The following SERPINF2 variants were observed in gnomAD, a reference collection of about 807,000 sequenced individuals.
SERPINF2 encodes the protein serpin family F member 2.
Under a neutral mutation model 45.0 loss-of-function variants are expected in SERPINF2, and 15 were observed. The observed-to-expected ratio is 0.33, with a 90% CI of 0.22 to 0.51. The LOEUF is 0.51. Among genes scored for constraint, SERPINF2 ranks in the 20% least tolerant of loss-of-function variants. SERPINF2 has a pLI of 0.97. For synonymous variants in SERPINF2, 283 were observed against 277.9 expected (o/e 1.02, Z -0.18); for missense variants, 518 against 637.4 (o/e 0.81, Z 2.02).
At chr17:1,744,821 G>C in intron 1 of SERPINF2, 171 bp from the exon 2 acceptor site, 3 of 985,464 alleles carry the variant, frequency 3.0e-6, no homozygotes, top group Non-Finnish European at 3.6e-6. Context: ...CCCAGCTGCA[G>C]GAGTGGGAGC....
Position 1,745,753 on chromosome 17 carries a change from A to G in SERPINF2, c.211A>G (p.Ser71Gly). ...CCTGAAGAGTCCCCCAGGAGTCTGC[A>G]GCAGAGACCCCACCCCAGAGCAGAC... ...TALKSPPGVCSRDPTPEQTHR... is the reference protein window; with the variant it reads ...TALKSPPGVCGRDPTPEQTHR... Residue 71 changes from serine (S) to glycine (G), a missense_variant, in exon 5 of 10, where the codon AGC becomes GGC. Around this residue, in one of 2 missense-constraint regions of SERPINF2, gnomAD observed 435 missense variants for 577.3 expected, o/e 0.75. Transcript: ENST00000453066. This position sits in a 1 kb window ranked among gnomAD's most constrained non-coding sequence, Gnocchi z 6.2. The G allele has an allele frequency of 6.2e-7, 1 of 1,613,978 alleles. No homozygotes were observed. The highest frequency in any genetic ancestry group is 8.5e-7 in the Non-Finnish European group (1 of 1,180,010).
Position 1,752,630 on chromosome 17 carries a change from T to C in SERPINF2, c.903T>C (p.Leu301=). ...PFKNNMSFVV[L]VPTHFEWNVS... is the part of the protein sequence containing the mutation. ...AGAACAACATGAGCTTTGTGGTCCT[T>C]GTACCCACCCACTTTGAATGGAACG... The change falls in exon 9 of 10, where the codon CTT becomes CTC. Residue 301 remains leucine, a synonymous_variant. Transcript: ENST00000453066. 1 of 1,614,188 alleles carries C rather than the reference T, an allele frequency of 6.2e-7. No individual in the cohort carries two copies. Among genetic ancestry groups the C allele is most frequent in the Non-Finnish European group, 8.5e-7 (1 of 1,180,030 alleles).
chr17:1,752,396 G>T (rs1906477411), intron 8 of SERPINF2, among the ~76,000 whole-genome samples, 190 bp from the exon 9 acceptor site: 1 of 152,120 alleles, frequency 6.6e-6, no homozygotes. Context: ...TCGGTTACGT[G>T]TCCGCCTGCA....
In SERPINF2 at chr17:1,747,517, G is replaced by T. The variant is rs376980433; in HGVS notation, c.715+5G>T. 3.7e-5 allele frequency: 60 copies of T among 1,613,246 alleles called. No homozygotes were observed. The highest frequency in any genetic ancestry group is 6.8e-6 in the Non-Finnish European group (8 of 1,179,758). On this transcript the variant is annotated splice_donor_5th_base_variant and intron_variant, in intron 7 of 9. Coordinates refer to ENST00000453066, the MANE Select transcript of SERPINF2 (RefSeq NM_000934.4). ...TCAACGCCATCCACTTCCAGGGTGC[G>T]CTCCTCCTCCTCTCAGATCCCCCAC... is the stretch of plus-strand genomic sequence containing the variant.
intron 8 of SERPINF2, among the ~76,000 whole-genome samples, chr17:1,751,478 G>A (rs1359591155): frequency 1.5e-5 from 2 of 133,476 alleles, no homozygotes; most frequent in African/African-American, 5.0e-5. Flanking sequence ...GGCTGGGTGT[G>A]GTTTACAGGC....
chr17:1,752,922 G>A lies in SERPINF2; in HGVS notation c.1063+132G>A, dbSNP rs529559415. On this transcript the variant is annotated intron_variant, in intron 9 of 9. Transcript: ENST00000453066. ...GCTCTTTTCCAGGGCTTCGGGAGCG[G>A]GGAGAGGGTTGAATATGAGCCCCCA... is the stretch of plus-strand genomic sequence containing the variant. The A allele has an allele frequency of 2.6e-5, 20 of 782,780 alleles. No individual in the cohort carries two copies. In the Admixed American group the frequency reaches 3.8e-4, roughly 15 times the overall value. 48.5% of individuals were successfully genotyped at this position (782,780 alleles called of 1,614,324 possible).
intron 8 of SERPINF2, among the ~76,000 whole-genome samples, chr17:1,749,246 G>A (rs1906147001): frequency 6.6e-6 from 1 of 152,088 alleles, no homozygotes; most frequent in Non-Finnish European, 1.5e-5. Flanking sequence ...GCCAAGATTT[G>A]AAACCCCGTT....
At chr17:1,753,524 A>G (rs1314672806) in intron 9 of SERPINF2, among the ~76,000 whole-genome samples, 2 of 152,210 alleles carry the variant, frequency 1.3e-5, no homozygotes. Context: ...CGTCTCCACT[A>G]AAAATACAAA....
intron 8 of SERPINF2, among the ~76,000 whole-genome samples, chr17:1,752,286 C>T (rs1428985446): frequency 1.3e-5 from 2 of 152,122 alleles, no homozygotes; most frequent in Admixed American, 6.5e-5. Context: ...GAACTCCTGA[C>T]CTCAGGTGAT....
Position 1,745,153 on chromosome 17 carries a change from A to G in SERPINF2, c.64-22A>G, listed in dbSNP as rs1209187001. Reference sequence around the variant, plus strand: ...GGGCTTGGCTCCGAGGGGACCTCCTATCCTCATCCCTTTCTCCACAGTTCT... The same window carrying G: ...GGGCTTGGCTCCGAGGGGACCTCCTGTCCTCATCCCTTTCTCCACAGTTCT... On this transcript the variant is annotated intron_variant, in intron 2 of 9. Transcript: ENST00000453066. The surrounding 1 kb of genome is among the most constrained non-coding windows in gnomAD (Gnocchi z 6.2). 6.3e-7 allele frequency: 1 copy of G among 1,580,550 alleles called. No individual in the cohort carries two copies. Among genetic ancestry groups the G allele is most frequent in the Non-Finnish European group, 8.6e-7 (1 of 1,163,966 alleles).
chr17:1,747,946 G>A (rs961063198), intron 7 of SERPINF2, among the ~76,000 whole-genome samples: 13 of 151,994 alleles, frequency 8.6e-5, no homozygotes, highest in Non-Finnish European at 1.5e-4. Flanking sequence ...GTGGGGATGG[G>A]TGCCCAGGAG....
In SERPINF2 at chr17:1,751,450, G is replaced by GA. The variant is rs757827355; in HGVS notation, c.859-1121dup. 6.8e-3 allele frequency among the ~76,000 whole-genome samples: 583 copies of GA among 86,024 alleles called. 41 individuals carry two copies. The highest frequency in any genetic ancestry group is 9.8e-3 in the Middle Eastern group (1 of 102). 56.4% of individuals were successfully genotyped at this position (86,024 alleles called of 152,430 possible). On this transcript the variant is annotated intron_variant, in intron 8 of 9. Transcript: ENST00000453066. ...GACAATAAGAGTGAAACTCTGTCTT[G>GA]AAAAAAAAAAAAAAAGAGGCTGGGT...
In SERPINF2 at chr17:1,752,544, G is replaced by A. The variant is rs769086885; in HGVS notation, c.859-42G>A. 15 of 1,595,540 alleles carry A rather than the reference G, an allele frequency of 9.4e-6. No homozygotes were observed. The Admixed American group carries it at 1.3e-4, about 14-fold the overall frequency. On this transcript the variant is annotated intron_variant, in intron 8 of 9. Coordinates refer to ENST00000453066, the MANE Select transcript of SERPINF2 (RefSeq NM_000934.4). The stretch of plus-strand genomic sequence containing the variant: ...GCTGGCCCCACCCCCACTTAGCTTC[G>A]GGGCTTTCTGTCCTCATGCTCTTCC...
intron 5 of SERPINF2, 125 bp from the exon 6 acceptor site, chr17:1,746,894 G>A (rs963020081): frequency 3.1e-6 from 4 of 1,286,686 alleles, no homozygotes; most frequent in Non-Finnish European, 4.3e-6. Flanking sequence ...CAGATCCGTG[G>A]CTGTGGAAGG....
intron 8 of SERPINF2, among the ~76,000 whole-genome samples, chr17:1,749,007 T>C (rs1406221010): frequency 6.6e-6 from 1 of 152,046 alleles, no homozygotes; most frequent in African/African-American, 2.4e-5. Context: ...AGCACTAGGG[T>C]TTTTGTGGAG....
intron 1 of SERPINF2, among the ~76,000 whole-genome samples, chr17:1,743,318 G>A (rs1370826299): frequency 6.6e-6 from 1 of 152,244 alleles, no homozygotes; most frequent in East Asian, 1.9e-4. Flanking sequence ...GGGCTCTGCT[G>A]CTGGGTCAAA....
In SERPINF2 at chr17:1,745,929, C is replaced by G. The variant is rs1025778555; in HGVS notation, c.367+20C>G. ...CACTAGGTACCCTGGCACCACTTGT[C>G]CAGACCAAGAGAGCTGGGAGGCCAG... is the stretch of plus-strand genomic sequence containing the variant. On this transcript the variant is annotated intron_variant, in intron 5 of 9. Transcript: ENST00000453066. The surrounding 1 kb of genome is among the most constrained non-coding windows in gnomAD (Gnocchi z 6.2). The G allele has an allele frequency of 1.2e-6, 2 of 1,608,048 alleles. No homozygotes were observed. Among genetic ancestry groups the G allele is most frequent in the South Asian group, 1.1e-5 (1 of 90,532 alleles).
rs368740653 is a variant in SERPINF2 at position 1,745,402 on chromosome 17, C to T, written c.165+7C>T. ...CCTCAAGTTGGGCAACCAGGTACAA[C>T]CAGGTGGGGCTGGGGAAGAGTGGGC... On this transcript the variant is annotated splice_region_variant and intron_variant, in intron 4 of 9. Coordinates refer to ENST00000453066, the MANE Select transcript of SERPINF2 (RefSeq NM_000934.4). This position sits in a 1 kb window ranked among gnomAD's most constrained non-coding sequence, Gnocchi z 6.2. 3 of 1,607,902 alleles carry T rather than the reference C, an allele frequency of 1.9e-6. No individual in the cohort carries two copies.
chr17:1,752,445 G>A, intron 8 of SERPINF2, 141 bp from the exon 9 acceptor site: 1 of 751,152 alleles, frequency 1.3e-6, no homozygotes, highest in Non-Finnish European at 2.4e-6. Flanking sequence ...CTGTGAGGAA[G>A]TGGAGGAGCA....
Sources: allele counts gnomAD v4.1 joint callset (sites outside exome capture counted in the v4.1 genomes callset), GRCh38; gene constraint gnomAD v4.1.1; regional missense constraint gnomAD v4.1.1; non-coding constraint Gnocchi (gnomAD v3.1); transcripts MANE v1.5; gene names NCBI Gene and HGNC (gene_info 2026-07-23, HGNC 2026-07-21).